Variants in ELP4 observed in about 807,000 individuals in gnomAD.
The protein encoded by ELP4 is elongator acetyltransferase complex subunit 4, also known as elongator complex protein 4.
In ELP4, 51 loss-of-function variants were observed where a neutral mutation model predicts 48.9. That is an observed-to-expected ratio of 1.04 (90% CI 0.83 to 1.32). The LOEUF is 1.32. Ranked by LOEUF, ELP4 falls within the 40% of genes most tolerant of loss-of-function variation. The probability of loss-of-function intolerance (pLI) is 0.00; values close to 1 mark genes in which losing one functional copy is unlikely to be tolerated. For synonymous variants in ELP4, 210 were observed against 189.2 expected (o/e 1.11, Z -0.90); for missense variants, 519 against 514.6 (o/e 1.01, Z -0.08).
chr11:31,785,378 G>C lies in ELP4; in HGVS notation c.*1854G>C, dbSNP rs1338424203. On this transcript the variant is annotated 3_prime_UTR_variant, in exon 10 of 10. Transcript: ENST00000640961. Reference sequence around the variant, plus strand: ...AAAGAGATACGAGGTCATCAGATATGTAAATTGCTTGTCAAAATACTTAAT... The same window carrying C: ...AAAGAGATACGAGGTCATCAGATATCTAAATTGCTTGTCAAAATACTTAAT... 1.1e-5 allele frequency: 2 copies of C among 185,630 alleles called. No individual in the cohort carries two copies. The highest frequency in any genetic ancestry group is 4.7e-5 in the African/African-American group (2 of 42,720). The allele number at this position is 185,630 out of a possible 1,614,324, so 11.5% of individuals were successfully genotyped here. A position where few individuals can be genotyped will look rare whatever the true frequency, so the allele number is the denominator to read the frequency against.
In ELP4 at chr11:31,509,810, G is replaced by T; in HGVS notation, c.26G>T (p.Ser9Ile). 1 of 1,614,156 alleles carries T rather than the reference G, an allele frequency of 6.2e-7. No homozygotes were observed. The highest frequency in any genetic ancestry group is 1.7e-4 in the Middle Eastern group (1 of 6,014). Residue 9 changes from serine to isoleucine, a missense_variant, in exon 1 of 10, where the codon AGT becomes ATT. By Grantham distance (142) the Ser-to-Ile change is moderately radical. Transcript: ENST00000640961. ...ATGGCGGCAGTGGCAACCTGCGGTA[G>T]TGTTGCCGCGAGTACTGGGTCTGCA... MAAVATCGSVAASTGSAVA... is the reference protein window; with the variant it reads MAAVATCGIVAASTGSAVA...
At chr11:31,617,678 A>G (rs1944520687) in intron 5 of ELP4, among the ~76,000 whole-genome samples, 1 of 151,762 alleles carries the variant, frequency 6.6e-6, no homozygotes, top group South Asian at 2.1e-4. Context: ...CCAAACAAAG[A>G]AATACTCAAA....
chr11:31,707,871 C>G (rs1357259706), intron 9 of ELP4, among the ~76,000 whole-genome samples: 1 of 152,138 alleles, frequency 6.6e-6, no homozygotes, highest in Non-Finnish European at 1.5e-5. Flanking sequence ...TTTTACCCTT[C>G]ATCCTCCTTT....
Position 31,591,424 on chromosome 11 carries a change from G to A in ELP4, c.382-3346G>A, listed in dbSNP as rs201574465. On this transcript the variant is annotated intron_variant, in intron 3 of 9. Coordinates refer to ENST00000640961, the MANE Select transcript of ELP4 (RefSeq NM_019040.5). ...CCATCTCAAAAAAAAAAAAAAAAAGGGGGGGGGGGGGTATAAAACCATGAT... is the reference window on the plus strand; with the variant it reads ...CCATCTCAAAAAAAAAAAAAAAAAGAGGGGGGGGGGGTATAAAACCATGAT... Among the ~76,000 whole-genome samples the A allele has an allele frequency of 3.7e-3, 41 of 11,180 alleles. 1 individual carries two copies. Among genetic ancestry groups the A allele is most frequent in the African/African-American group, 9.2e-3 (31 of 3,366 alleles). 7.3% of individuals were successfully genotyped at this position (11,180 alleles called of 152,430 possible).
Position 31,714,971 on chromosome 11 carries a change from G to T in ELP4, c.1143+64750G>T, listed in dbSNP as rs145838782. ...TGCCATGTAAGGTAACACATTACAG[G>T]TTCCAAAGACTGTGGTATGGACATT... On this transcript the variant is annotated intron_variant, in intron 9 of 9. Transcript: ENST00000640961. 6.3e-3 allele frequency: 2,498 copies of T among 395,788 alleles called. 13 individuals carry two copies. The highest frequency in any genetic ancestry group is 8.4e-3 in the Non-Finnish European group (1,897 of 224,928). The allele number at this position is 395,788 out of a possible 1,614,324, so 24.5% of individuals were successfully genotyped here. A position where few individuals can be genotyped will look rare whatever the true frequency, so the allele number is the denominator to read the frequency against.
intron 3 of ELP4, among the ~76,000 whole-genome samples, chr11:31,552,485 C>G (rs1956868575): frequency 6.6e-6 from 1 of 152,164 alleles, no homozygotes; most frequent in South Asian, 2.1e-4. Context: ...AACTCCTGAA[C>G]TGCTCTCCCC....
intron 3 of ELP4, among the ~76,000 whole-genome samples, chr11:31,548,066 A>T (rs1267278015): frequency 6.6e-6 from 1 of 152,208 alleles, no homozygotes; most frequent in Middle Eastern, 3.2e-3. Flanking sequence ...ATTCCCTTTG[A>T]AAACGGGCAC....
At chr11:31,740,353 A>G (rs1947417301) in intron 9 of ELP4, among the ~76,000 whole-genome samples, 1 of 152,226 alleles carries the variant, frequency 6.6e-6, no homozygotes. Flanking sequence ...AGAAGTACAC[A>G]TTGGCATCAT....
chr11:31,588,467 G>A (rs1229370980), intron 3 of ELP4, among the ~76,000 whole-genome samples: 1 of 152,138 alleles, frequency 6.6e-6, no homozygotes, highest in Non-Finnish European at 1.5e-5. Context: ...GGTATTTTTA[G>A]ATGTTTCATT....
chr11:31,763,407 G>C (rs1177471000), intron 9 of ELP4: 28 of 1,592,202 alleles, frequency 1.8e-5, no homozygotes, highest in Non-Finnish European at 2.4e-5. Context: ...TTTCTCTGAG[G>C]CAGTGGGTGC....
intron 9 of ELP4, among the ~76,000 whole-genome samples, chr11:31,763,920 A>G (rs1193244004): frequency 2.0e-5 from 3 of 152,056 alleles, no homozygotes; most frequent in Non-Finnish European, 4.4e-5. Flanking sequence ...GGAAGATTGC[A>G]TTATTATTTT....
chr11:31,561,656 C>T (rs1386138744), intron 3 of ELP4, among the ~76,000 whole-genome samples: 1 of 152,060 alleles, frequency 6.6e-6, no homozygotes, highest in Non-Finnish European at 1.5e-5. Context: ...GTTGGCCTGG[C>T]TGGTTTTGAA....
At chr11:31,704,736 G>C (rs1342521873) in intron 9 of ELP4, among the ~76,000 whole-genome samples, 1 of 151,978 alleles carries the variant, frequency 6.6e-6, no homozygotes. Context: ...TATAGATCAG[G>C]CTTGGTGGCT....
intron 5 of ELP4, among the ~76,000 whole-genome samples, chr11:31,613,531 ACTT>A (rs1425068548): frequency 2.6e-5 from 4 of 152,118 alleles, no homozygotes; most frequent in Non-Finnish European, 4.4e-5. Context: ...TTATCAGCAT[ACTT>A]CTTAATATCC....
chr11:31,769,195 C>G (rs1948092683), intron 9 of ELP4, among the ~76,000 whole-genome samples: 1 of 152,004 alleles, frequency 6.6e-6, no homozygotes. Context: ...TTAATGCTGC[C>G]AGGATGTTTT....
At chr11:31,702,115 G>A (rs916700465) in intron 9 of ELP4, among the ~76,000 whole-genome samples, 5 of 151,968 alleles carry the variant, frequency 3.3e-5, no homozygotes, top group Non-Finnish European at 5.9e-5. Context: ...AAGACTTTAA[G>A]CACTGAGATT....
chr11:31,732,828 C>T (rs757802945), intron 9 of ELP4, among the ~76,000 whole-genome samples: 12 of 152,148 alleles, frequency 7.9e-5, no homozygotes, highest in East Asian at 1.9e-4. Flanking sequence ...AAGGACATTA[C>T]GTAATGATAA....
intron 5 of ELP4, among the ~76,000 whole-genome samples, chr11:31,611,484 ATCTC>A (rs1372681638): frequency 6.6e-6 from 1 of 152,008 alleles, no homozygotes; most frequent in African/African-American, 2.4e-5. Context: ...TCTGATCGCT[ATCTC>A]TCTCTCTCAT....
At chr11:31,662,772 C>A (rs1000166456) in intron 9 of ELP4, 15 of 387,444 alleles carry the variant, frequency 3.9e-5, no homozygotes, top group African/African-American at 1.0e-4. Context: ...TATGCAATGT[C>A]TTTGACAAAA....
Sources: gnomAD v4.1 joint callset for allele counts (sites outside exome capture counted in the v4.1 genomes callset) on GRCh38, gnomAD v4.1.1 for gene constraint, MANE v1.5 for transcripts, NCBI Gene and HGNC (gene_info 2026-07-23, HGNC 2026-07-21) for gene names.